Variants in CWH43 observed in about 807,000 individuals in gnomAD.
CWH43 encodes PGAP2-interacting protein.
Under a neutral mutation model 85.7 loss-of-function variants are expected in CWH43, and 91 were observed. That is an observed-to-expected ratio of 1.06 (90% CI 0.90 to 1.26). CWH43 has a LOEUF of 1.26. Ranked by LOEUF, CWH43 falls within the 50% of genes most tolerant of loss-of-function variation. CWH43 has a pLI of 0.00. For missense variants in CWH43, 869 were observed against 839.2 expected (o/e 1.04, Z -0.44); for synonymous variants, 323 against 293.6 (o/e 1.10, Z -1.02).
At chr4:49,025,030 G>A (rs1444130730) in intron 9 of CWH43, among the ~76,000 whole-genome samples, 1 of 151,746 alleles carries the variant, frequency 6.6e-6, no homozygotes, top group Non-Finnish European at 1.5e-5. Context: ...GAACTTCTTG[G>A]AGGCTTTGTT....
intron 9 of CWH43, among the ~76,000 whole-genome samples, chr4:49,023,175 G>A (rs1783804935): frequency 6.6e-6 from 1 of 152,096 alleles, no homozygotes; most frequent in Admixed American, 6.5e-5. Context: ...GGCATTTAAT[G>A]CTGTGAACTT....
Position 49,003,953 on chromosome 4 carries a change from G to A in CWH43, c.1021G>A (p.Gly341Arg), listed in dbSNP as rs1360536092. Residue 341 changes from glycine to arginine, a missense_variant, in exon 7 of 16, where the codon GGA becomes AGA. Gly to Arg is a moderately radical substitution (Grantham distance 125). Transcript: ENST00000226432. ...GTGCACAGCTTTTAAGTTTGTCCCA[G>A]GAGGTGTCTACGCTAGAGAAAGATC... The part of the protein sequence containing the change: ...AWCTAFKFVP[G>R]GVYARERSDV... The A allele has an allele frequency of 6.2e-7, 1 of 1,613,226 alleles. No homozygotes were observed. The highest frequency in any genetic ancestry group is 1.7e-5 in the Admixed American group (1 of 59,900).
intron 6 of CWH43, among the ~76,000 whole-genome samples, chr4:49,000,119 ATGT>A (rs1301594761): frequency 1.3e-5 from 2 of 152,068 alleles, no homozygotes; most frequent in Non-Finnish European, 1.5e-5. Flanking sequence ...GAGAGATGAG[ATGT>A]TGTTAATACA....
At chr4:49,027,945 G>A (rs1199723145) in intron 9 of CWH43, among the ~76,000 whole-genome samples, 2 of 152,102 alleles carry the variant, frequency 1.3e-5, no homozygotes, top group African/African-American at 2.4e-5. Flanking sequence ...GTGCTCCTGG[G>A]CCTTGACCTT....
chr4:49,039,488 G>A (rs1784389386), intron 13 of CWH43, among the ~76,000 whole-genome samples: 1 of 144,994 alleles, frequency 6.9e-6, no homozygotes, highest in South Asian at 2.2e-4. Context: ...TGAGAAATAT[G>A]ATTGTTATGT....
At chr4:49,029,328 G>A (rs961570340) in intron 10 of CWH43, among the ~76,000 whole-genome samples, 1 of 152,176 alleles carries the variant, frequency 6.6e-6, no homozygotes, top group African/African-American at 2.4e-5. Context: ...TATGTTTACA[G>A]GCATTATGCT....
intron 9 of CWH43, among the ~76,000 whole-genome samples, chr4:49,017,793 T>C (rs1292181075): frequency 6.6e-6 from 1 of 152,018 alleles, no homozygotes; most frequent in Non-Finnish European, 1.5e-5. Flanking sequence ...AGTTATCTTA[T>C]GTGGTGGAGC....
chr4:49,036,488 C>G, intron 12 of CWH43, among the ~76,000 whole-genome samples: 1 of 152,154 alleles, frequency 6.6e-6, no homozygotes, highest in Admixed American at 6.5e-5. Context: ...TATTTTTATC[C>G]AATTCAGTCC....
chr4:49,030,088 GC>G (rs1023654824), intron 10 of CWH43, among the ~76,000 whole-genome samples: 8 of 152,280 alleles, frequency 5.3e-5, no homozygotes, highest in African/African-American at 1.4e-4. Context: ...GGAGGGGCTG[GC>G]CCCCTTCATG....
Position 49,060,399 on chromosome 4 carries a change from C to G in CWH43, c.2022-1413C>G, listed in dbSNP as rs186964762. On this transcript the variant is annotated intron_variant, in intron 15 of 15. Transcript: ENST00000226432. ...TCTGGAGCCTTGGGTGGGGATGGAG[C>G]CTGAATTTGCTAGGGCCGGCTTAGG... is the stretch of plus-strand genomic sequence containing the variant. 2.0e-5 allele frequency among the ~76,000 whole-genome samples: 3 copies of G among 152,038 alleles called. No individual in the cohort carries two copies. In the East Asian group the frequency reaches 5.8e-4, roughly 30 times the overall value.
At chr4:48,996,125 C>G (rs1782804897) in intron 5 of CWH43, among the ~76,000 whole-genome samples, 1 of 152,160 alleles carries the variant, frequency 6.6e-6, no homozygotes, top group African/African-American at 2.4e-5. Flanking sequence ...TGTCCCCCCT[C>G]TGCCTGGGCT....
At chr4:48,994,843 T>A in intron 5 of CWH43, 23 bp downstream of exon 5, 2 of 1,606,578 alleles carry the variant, frequency 1.2e-6, no homozygotes, top group Non-Finnish European at 1.7e-6. Context: ...TTGGAAGCAA[T>A]CACAAAATCG....
intron 5 of CWH43, 53 bp downstream of exon 5, chr4:48,994,873 G>A: frequency 7.1e-7 from 1 of 1,398,952 alleles, no homozygotes; most frequent in Non-Finnish European, 1.0e-6. Context: ...CCTGGAGGAA[G>A]CAATGCCTCC....
chr4:49,036,878 G>T (rs1276173339), intron 12 of CWH43, among the ~76,000 whole-genome samples: 1 of 152,164 alleles, frequency 6.6e-6, no homozygotes, highest in Non-Finnish European at 1.5e-5. Context: ...TATGGTCCCA[G>T]CTCCTCTGGG....
intron 13 of CWH43, among the ~76,000 whole-genome samples, chr4:49,041,241 C>T (rs1784452364): frequency 6.6e-6 from 1 of 152,024 alleles, no homozygotes; most frequent in Admixed American, 6.5e-5. Flanking sequence ...TTTTTTGGTT[C>T]CATATGAACT....
chr4:48,992,143 G>A lies in CWH43; in HGVS notation c.511+53G>A. The A allele has an allele frequency of 7.0e-7, 1 of 1,431,624 alleles. No individual in the cohort carries two copies. Among genetic ancestry groups the A allele is most frequent in the African/African-American group, 1.4e-5 (1 of 71,404 alleles). 88.7% of individuals were successfully genotyped at this position (1,431,624 alleles called of 1,614,324 possible). On this transcript the variant is annotated intron_variant, in intron 4 of 15. Coordinates refer to ENST00000226432, the MANE Select transcript of CWH43 (RefSeq NM_025087.3). This position sits in a 1 kb window ranked among gnomAD's most constrained non-coding sequence, Gnocchi z 4.3. ...TTTGCAGAGCTTACCTTTCCTATGT[G>A]AATGTTGCACATCTTGGAAAGAAAA...
At chr4:49,033,875 C>T (rs1383675121) in intron 12 of CWH43, among the ~76,000 whole-genome samples, 1 of 152,126 alleles carries the variant, frequency 6.6e-6, no homozygotes, top group Non-Finnish European at 1.5e-5. Context: ...GGCCACAGAA[C>T]TTTAAAGAGA....
chr4:49,056,057 C>T, intron 15 of CWH43, among the ~76,000 whole-genome samples: 1 of 108,194 alleles, frequency 9.2e-6, no homozygotes, highest in Non-Finnish European at 1.9e-5. Context: ...CAATGCTATC[C>T]CTCCCCCCTC....
chr4:49,022,684 T>G (rs1396365499), intron 9 of CWH43, among the ~76,000 whole-genome samples: 2 of 152,126 alleles, frequency 1.3e-5, no homozygotes, highest in Non-Finnish European at 2.9e-5. Flanking sequence ...TTCCTGGACT[T>G]TTTTTTGTTA....
Sources: gnomAD v4.1 joint callset for allele counts (sites outside exome capture counted in the v4.1 genomes callset) on GRCh38, gnomAD v4.1.1 for gene constraint, Gnocchi (gnomAD v3.1) non-coding constraint, MANE v1.5 for transcripts, NCBI Gene and HGNC (gene_info 2026-07-23, HGNC 2026-07-21) for gene names.